CPQ: variants seen among roughly 807,000 people sequenced by gnomAD.
CPQ encodes Ser-Met dipeptidase.
A neutral mutation model predicts 45.7 loss-of-function variants in CPQ; 37 were observed. The observed-to-expected ratio is 0.81, with a 90% CI of 0.62 to 1.07. CPQ has a LOEUF of 1.07. Ranked by LOEUF, CPQ falls within the 50% of genes least tolerant of loss-of-function variation. The probability of loss-of-function intolerance (pLI) is 0.00; values close to 1 mark genes in which losing one functional copy is unlikely to be tolerated. For missense variants in CPQ, 537 were observed against 572.9 expected, an observed-to-expected ratio of 0.94 and a Z score of 0.64; for synonymous variants, 186 against 205.8, an observed-to-expected ratio of 0.90 and a Z score of 0.82.
At chr8:97,131,527 C>A (rs192690195) in intron 7 of CPQ, among the ~76,000 whole-genome samples, 39 of 152,180 alleles carry the variant, frequency 2.6e-4, no homozygotes, top group Admixed American at 1.4e-3. Context: ...TTCTTGTGAC[C>A]TTGACCCTGT....
At chr8:97,096,647 G>C (rs1028972525) in intron 7 of CPQ, among the ~76,000 whole-genome samples, 5 of 152,204 alleles carry the variant, frequency 3.3e-5, no homozygotes, top group Non-Finnish European at 7.3e-5. Flanking sequence ...GGATTGAAGA[G>C]TGCATGAGAT....
At chr8:96,800,332 A>G (rs1810989738) in intron 2 of CPQ, among the ~76,000 whole-genome samples, 1 of 152,212 alleles carries the variant, frequency 6.6e-6, no homozygotes, top group Non-Finnish European at 1.5e-5. Flanking sequence ...ATGTATTAAT[A>G]AAATGTGTTG....
chr8:97,024,405 AAC>A (rs1809761849), intron 5 of CPQ, among the ~76,000 whole-genome samples: 1 of 152,060 alleles, frequency 6.6e-6, no homozygotes, highest in Non-Finnish European at 1.5e-5. Flanking sequence ...GAGTTTAAAA[AAC>A]AGTTTGTTGC....
At chr8:96,692,615 T>G (rs188095986) in intron 1 of CPQ, among the ~76,000 whole-genome samples, 61 of 152,280 alleles carry the variant, frequency 4.0e-4, no homozygotes, top group African/African-American at 1.4e-3. Flanking sequence ...GGAGCCACAG[T>G]TTTACTAAGC....
intron 4 of CPQ, among the ~76,000 whole-genome samples, chr8:96,965,073 A>T (rs1277819082): frequency 6.6e-6 from 1 of 152,188 alleles, no homozygotes; most frequent in Non-Finnish European, 1.5e-5. Context: ...AGATTTATTT[A>T]ATACTAATGT....
At chr8:96,829,713 T>C (rs116226923) in intron 2 of CPQ, among the ~76,000 whole-genome samples, 3,374 of 152,272 alleles carry the variant, frequency 0.022, 136 homozygotes, top group African/African-American at 0.077. Flanking sequence ...GATTTCTTCC[T>C]TTAGTCAGAA....
chr8:96,909,809 A>G (rs1375823000), intron 4 of CPQ, among the ~76,000 whole-genome samples: 1 of 152,210 alleles, frequency 6.6e-6, no homozygotes, highest in Non-Finnish European at 1.5e-5. Context: ...AAAGCTGAAG[A>G]CATGTTTAAC....
At chr8:96,704,129 T>C (rs1446668961) in intron 1 of CPQ, among the ~76,000 whole-genome samples, 1 of 152,152 alleles carries the variant, frequency 6.6e-6, no homozygotes, top group Non-Finnish European at 1.5e-5. Context: ...CTTATATTCC[T>C]TCAGGAAGAC....
At chr8:96,800,015 T>A (rs2130821429) in intron 2 of CPQ, among the ~76,000 whole-genome samples, 1 of 152,310 alleles carries the variant, frequency 6.6e-6, no homozygotes, top group East Asian at 1.9e-4. Flanking sequence ...ATTGCTGAAT[T>A]TGATTGCGTC....
chr8:96,782,331 G>A (rs1368179384), intron 1 of CPQ, among the ~76,000 whole-genome samples: 1 of 152,180 alleles, frequency 6.6e-6, no homozygotes. Context: ...GCACTCAGGA[G>A]CAGAGGCCTT....
chr8:96,754,898 T>A (rs1204797643), intron 1 of CPQ, among the ~76,000 whole-genome samples: 30 of 151,996 alleles, frequency 2.0e-4, no homozygotes, highest in Non-Finnish European at 1.5e-5. Flanking sequence ...GTCAGAACTT[T>A]GTTGATTTAA....
At chr8:96,967,994 T>C (rs1346668748) in intron 5 of CPQ, among the ~76,000 whole-genome samples, 1 of 152,256 alleles carries the variant, frequency 6.6e-6, no homozygotes, top group African/African-American at 2.4e-5. Flanking sequence ...TGTTAACTTT[T>C]ATAACTTAAC....
Position 96,954,734 on chromosome 8 carries a change from T to C in CPQ, c.850-11201T>C, listed in dbSNP as rs572335445. Among the ~76,000 whole-genome samples the C allele has an allele frequency of 7.4e-4, 112 of 152,266 alleles. 1 individual carries two copies. The highest frequency in any genetic ancestry group is 1.3e-3 in the Non-Finnish European group (87 of 68,026). On this transcript the variant is annotated intron_variant, in intron 4 of 7. Transcript: ENST00000220763. ...TAACATTAGGTATATCTCCTAATGC[T>C]ATCCCTCCCCACTCCCCCAACCCCA...
rs375722116 is a variant in CPQ at position 96,667,446 on chromosome 8, T to C, written c.-35+22044T>C. 5.3e-5 allele frequency among the ~76,000 whole-genome samples: 8 copies of C among 151,874 alleles called. No homozygotes were observed. The East Asian group carries it at 1.2e-3, about 22-fold the overall frequency. On this transcript the variant is annotated intron_variant, in intron 1 of 7. Transcript: ENST00000220763. Reference sequence around the variant, plus strand: ...TCACTGCAACCTCCGCCTCCCGGGTTCAAGCAATTCTGCTGCCTCAGCCTC... The same window carrying C: ...TCACTGCAACCTCCGCCTCCCGGGTCCAAGCAATTCTGCTGCCTCAGCCTC...
At chr8:96,875,565 T>G (rs1199865228) in intron 3 of CPQ, among the ~76,000 whole-genome samples, 1 of 151,972 alleles carries the variant, frequency 6.6e-6, no homozygotes, top group Non-Finnish European at 1.5e-5. Context: ...CTATTCTTGT[T>G]GAACTGTCTG....
At chr8:96,673,221 G>A (rs746166831) in intron 1 of CPQ, among the ~76,000 whole-genome samples, 7 of 152,168 alleles carry the variant, frequency 4.6e-5, no homozygotes, top group East Asian at 1.9e-4. Context: ...ATTTATTGAC[G>A]TGAAAGTACA....
intron 3 of CPQ, among the ~76,000 whole-genome samples, chr8:96,845,105 C>A (rs1811666456): frequency 6.6e-6 from 1 of 152,206 alleles, no homozygotes; most frequent in African/African-American, 2.4e-5. Context: ...CTGTTTCAAT[C>A]TTTACATTTT....
At chr8:96,917,102 T>C (rs946326179) in intron 4 of CPQ, among the ~76,000 whole-genome samples, 11 of 151,870 alleles carry the variant, frequency 7.2e-5, no homozygotes, top group African/African-American at 2.7e-4. Context: ...CACTAAAGAG[T>C]TGTAAGGTGA....
intron 5 of CPQ, among the ~76,000 whole-genome samples, chr8:96,977,354 G>C (rs1362600905): frequency 6.6e-6 from 1 of 151,550 alleles, no homozygotes; most frequent in Non-Finnish European, 1.5e-5. Context: ...TGTTGGCAGG[G>C]ATGCAGTAAA....
Sources: allele counts gnomAD v4.1 joint callset (sites outside exome capture counted in the v4.1 genomes callset), GRCh38; gene constraint gnomAD v4.1.1; transcripts MANE v1.5; gene names NCBI Gene and HGNC (gene_info 2026-07-23, HGNC 2026-07-21).